Variants in PTPN11 observed in about 807,000 individuals in gnomAD.
The protein encoded by PTPN11 is tyrosine-protein phosphatase non-receptor type 11.
PTPN11 carries 6 observed loss-of-function variants against 78.8 expected under a neutral mutation model. That is an observed-to-expected ratio of 0.08 (90% CI 0.04 to 0.15). The LOEUF (loss-of-function observed/expected upper bound fraction) is 0.15. Ranked by LOEUF, PTPN11 falls within the 10% of genes least tolerant of loss-of-function variation. The pLI is 1.00. For missense variants in PTPN11, 386 were observed against 744.8 expected (o/e 0.52, Z 5.61); for synonymous variants, 221 against 263.5 (o/e 0.84, Z 1.56).
At chr12:112,480,694 C>T (rs1405913453) in intron 9 of PTPN11, among the ~76,000 whole-genome samples, 1 of 152,108 alleles carries the variant, frequency 6.6e-6, no homozygotes, top group East Asian at 1.9e-4. Flanking sequence ...TTCCTCCTAC[C>T]ATGTTTTCTT....
intron 4 of PTPN11, 106 bp downstream of exon 4, chr12:112,453,493 T>TTTAC (rs1218071105): frequency 2.6e-6 from 2 of 777,710 alleles, no homozygotes; most frequent in African/African-American, 3.6e-5. Context: ...TTGTCTTTTA[T>TTTAC]TTATTTATTT....
At chr12:112,487,010 A>T in intron 11 of PTPN11, 5 of 873,070 alleles carry the variant, frequency 5.7e-6, no homozygotes, top group Non-Finnish European at 7.5e-6. Context: ...GGTGTGGTGG[A>T]AATAGGCCTG....
chr12:112,448,839 A>G (rs2038032825), intron 2 of PTPN11, among the ~76,000 whole-genome samples: 1 of 152,158 alleles, frequency 6.6e-6, no homozygotes, highest in African/African-American at 2.4e-5. Flanking sequence ...TCGTATTGGA[A>G]ACTGTGTCAT....
At chr12:112,498,797 T>TA (rs1302887036) in intron 13 of PTPN11, among the ~76,000 whole-genome samples, 1 of 152,252 alleles carries the variant, frequency 6.6e-6, no homozygotes, top group Admixed American at 6.5e-5. Flanking sequence ...TCTTGATCTA[T>TA]AACACAGCCT....
At chr12:112,432,125 A>G (rs2037722516) in intron 1 of PTPN11, among the ~76,000 whole-genome samples, 1 of 152,190 alleles carries the variant, frequency 6.6e-6, no homozygotes, top group Non-Finnish European at 1.5e-5. Flanking sequence ...TCACAAAGAA[A>G]TGCAAACTAA....
At chr12:112,429,718 C>T (rs370381296) in intron 1 of PTPN11, among the ~76,000 whole-genome samples, 1 of 150,828 alleles carries the variant, frequency 6.6e-6, no homozygotes, top group Non-Finnish European at 1.5e-5. Context: ...GCAGGAGAAT[C>T]GCTTGAACCC....
chr12:112,470,990 TA>T (rs1326655892), intron 6 of PTPN11, among the ~76,000 whole-genome samples: 1 of 152,096 alleles, frequency 6.6e-6, no homozygotes, highest in Non-Finnish European at 1.5e-5. Context: ...CTGAGCTCAT[TA>T]AAAAAAATTC....
rs142430617 is a variant in PTPN11 at position 112,465,817 on chromosome 12, C to T, written c.757-7127C>T. ...CCATCTCTAGTCCAAAGAACAATGT[C>T]AAGGACATGAACATGTGGAACAAAA... is the stretch of plus-strand genomic sequence containing the variant. On this transcript the variant is annotated intron_variant, in intron 6 of 15. Coordinates refer to ENST00000351677, the MANE Select transcript of PTPN11 (RefSeq NM_002834.5). Among the ~76,000 whole-genome samples, 4 of 152,286 alleles carry T rather than the reference C, an allele frequency of 2.6e-5. No individual in the cohort carries two copies. The East Asian group carries it at 7.7e-4, about 29-fold the overall frequency.
intron 13 of PTPN11, among the ~76,000 whole-genome samples, chr12:112,492,222 A>C (rs1299749553): frequency 6.6e-6 from 1 of 152,184 alleles, no homozygotes; most frequent in African/African-American, 2.4e-5. Flanking sequence ...AGTACATCAC[A>C]TCAGGTACAC....
intron 1 of PTPN11, among the ~76,000 whole-genome samples, chr12:112,431,853 A>G (rs2037718021): frequency 6.6e-6 from 1 of 152,226 alleles, no homozygotes; most frequent in Non-Finnish European, 1.5e-5. Flanking sequence ...GAAACCCAGA[A>G]ATCATAATGG....
intron 1 of PTPN11, among the ~76,000 whole-genome samples, chr12:112,439,778 CT>C (rs761248504): frequency 2.8e-5 from 4 of 143,084 alleles, no homozygotes; most frequent in African/African-American, 5.3e-5. Flanking sequence ...CTGGATTGTC[CT>C]TTTTTAAAAA....
Position 112,442,870 on chromosome 12 carries a change from AT to A in PTPN11, c.15-3405del, listed in dbSNP as rs1566162778. 1.6e-3 allele frequency among the ~76,000 whole-genome samples: 140 copies of A among 85,308 alleles called. 1 individual carries two copies. The highest frequency in any genetic ancestry group is 6.5e-3 in the African/African-American group (127 of 19,390). The allele number at this position is 85,308 out of a possible 152,430, so 56.0% of individuals were successfully genotyped here. A position where few individuals can be genotyped will look rare whatever the true frequency, so the allele number is the denominator to read the frequency against. On this transcript the variant is annotated intron_variant, in intron 1 of 15. Coordinates refer to ENST00000351677, the MANE Select transcript of PTPN11 (RefSeq NM_002834.5). ...TATATATATATATATATATATATAT[AT>A]ATATATAAATTATATATACACTACA...
intron 8 of PTPN11, 45 bp downstream of exon 8, chr12:112,477,775 C>A (rs2135901617): frequency 6.2e-7 from 1 of 1,604,068 alleles, no homozygotes; most frequent in Non-Finnish European, 8.5e-7. Context: ...ACATTTCTAG[C>A]CTATTTTTGT....
chr12:112,473,066 A>G (rs2038445256), intron 7 of PTPN11, 26 bp downstream of exon 7: 1 of 1,531,824 alleles, frequency 6.5e-7, no homozygotes, highest in Non-Finnish European at 9.0e-7. Context: ...CCGCTCAGTA[A>G]TAGTCACTCT....
chr12:112,489,674 A>G (rs754578418), intron 13 of PTPN11, among the ~76,000 whole-genome samples: 1 of 152,232 alleles, frequency 6.6e-6, no homozygotes, highest in African/African-American at 2.4e-5. Flanking sequence ...GAGCCTTTCC[A>G]TCTGAAGCTA....
At chr12:112,505,677 A>AC in intron 15 of PTPN11, 148 bp from the exon 16 acceptor site, 1 of 152,580 alleles carries the variant, frequency 6.6e-6, no homozygotes, top group Admixed American at 6.6e-5. Flanking sequence ...AAAAAAAAAA[A>AC]AAAACTCAGT....
chr12:112,502,133 C>G lies in PTPN11; in HGVS notation c.1600-11C>G, dbSNP rs1472156150. The stretch of plus-strand genomic sequence containing the variant: ...CATTGTCCCTCACATGTGCACTCTT[C>G]CAAATTTCAGAAAAGCAAGAGGAAA... On this transcript the variant is annotated splice_polypyrimidine_tract_variant and intron_variant, in intron 13 of 15. Transcript: ENST00000351677. The G allele has an allele frequency of 6.2e-6, 10 of 1,601,244 alleles. No individual in the cohort carries two copies. In the Admixed American group the frequency reaches 1.7e-4, roughly 27 times the overall value.
In PTPN11 at chr12:112,477,716, G is replaced by T; in HGVS notation, c.919G>T (p.Ala307Ser). Residue 307 changes from alanine to serine, a missense_variant, in exon 8 of 16, where the codon GCA becomes TCA. Physicochemically the swap from Ala to Ser is moderately conservative, Grantham distance 99. Around this residue, in one of 3 missense-constraint regions of PTPN11, gnomAD observed 279 missense variants for 503.3 expected, o/e 0.55. Coordinates refer to ENST00000351677, the MANE Select transcript of PTPN11 (RefSeq NM_002834.5). ...PNEPVSDYIN[A>S]NIIMPEFETK... Reference sequence around the variant, plus strand: ...TGAGCCTGTTTCAGATTACATCAATGCAAATATCATCATGGTAAGCTTTGC... The same window carrying T: ...TGAGCCTGTTTCAGATTACATCAATTCAAATATCATCATGGTAAGCTTTGC... 1 of 1,612,338 alleles carries T rather than the reference G, an allele frequency of 6.2e-7. No homozygotes were observed. The highest frequency in any genetic ancestry group is 1.1e-5 in the South Asian group (1 of 91,056).
intron 1 of PTPN11, among the ~76,000 whole-genome samples, chr12:112,442,895 C>G (rs2037930586): frequency 1.3e-5 from 1 of 74,622 alleles, no homozygotes; most frequent in Non-Finnish European, 2.4e-5. Context: ...ATATACACTA[C>G]ACATATATGT....
Sources: allele counts gnomAD v4.1 joint callset (sites outside exome capture counted in the v4.1 genomes callset), GRCh38; gene constraint gnomAD v4.1.1; regional missense constraint gnomAD v4.1.1; transcripts MANE v1.5; gene names NCBI Gene and HGNC (gene_info 2026-07-23, HGNC 2026-07-21).